ANAPC1: variants seen among roughly 807,000 people sequenced by gnomAD.
ANAPC1 encodes the protein anaphase-promoting complex subunit 1.
A neutral mutation model predicts 208.0 loss-of-function variants in ANAPC1; 36 were observed. That is an observed-to-expected ratio of 0.17 (90% CI 0.13 to 0.23). ANAPC1 has a LOEUF of 0.23. Ranked by LOEUF, ANAPC1 falls within the 10% of genes least tolerant of loss-of-function variation. The probability of loss-of-function intolerance (pLI) is 1.00; values close to 1 mark genes in which losing one functional copy is unlikely to be tolerated. For synonymous variants in ANAPC1, 378 were observed against 695.2 expected (o/e 0.54, Z 7.18); for missense variants, 942 against 2,011.6 (o/e 0.47, Z 10.17).
chr2:111,828,592 G>A (rs1253763361), intron 21 of ANAPC1, among the ~76,000 whole-genome samples: 2 of 152,190 alleles, frequency 1.3e-5, no homozygotes, highest in Admixed American at 6.5e-5. Context: ...CCATACAATG[G>A]AATACTATAT....
At chr2:111,861,343 G>A (rs538510890) in intron 10 of ANAPC1, among the ~76,000 whole-genome samples, 6 of 152,170 alleles carry the variant, frequency 3.9e-5, no homozygotes, top group Non-Finnish European at 8.8e-5. Context: ...CCCAAAGTGA[G>A]TGATTACAGG....
intron 7 of ANAPC1, among the ~76,000 whole-genome samples, chr2:111,866,694 A>G (rs1682434917): frequency 6.6e-6 from 1 of 150,586 alleles, no homozygotes; most frequent in South Asian, 2.1e-4. Flanking sequence ...ATTGCACTGC[A>G]GCCTGGGTAA....
chr2:111,844,525 C>T (rs112607446), intron 16 of ANAPC1, among the ~76,000 whole-genome samples: 18,069 of 150,494 alleles, frequency 0.12, 1,367 homozygotes, highest in Non-Finnish European at 0.16. Context: ...GCCAAGATCA[C>T]GCCATTGCAT....
chr2:111,846,512 C>T (rs113869330), intron 16 of ANAPC1, among the ~76,000 whole-genome samples: 2 of 134,422 alleles, frequency 1.5e-5, no homozygotes, highest in Non-Finnish European at 3.1e-5. Context: ...TTGCAAGAGG[C>T]ATGTCCATAT....
intron 17 of ANAPC1, among the ~76,000 whole-genome samples, 164 bp from the exon 18 acceptor site, chr2:111,838,676 C>T (rs987753048): frequency 3.9e-5 from 6 of 152,146 alleles, no homozygotes; most frequent in Non-Finnish European, 7.3e-5. Context: ...ATCTTTCTTC[C>T]AGGTTACTGT....
At chr2:111,837,841 T>G (rs1680552379) in intron 18 of ANAPC1, among the ~76,000 whole-genome samples, 2 of 152,054 alleles carry the variant, frequency 1.3e-5, no homozygotes, top group Non-Finnish European at 2.9e-5. Context: ...CCCAGCACTT[T>G]GGGACACCAA....
At chr2:111,787,130 C>T (rs371647597) in intron 39 of ANAPC1, among the ~76,000 whole-genome samples, 2 of 137,902 alleles carry the variant, frequency 1.5e-5, no homozygotes. Flanking sequence ...GCCTGGGCGA[C>T]AGAGCGAGAC....
At chr2:111,846,550 TA>T (rs1558715892) in intron 16 of ANAPC1, among the ~76,000 whole-genome samples, 3,604 of 70,114 alleles carry the variant, frequency 0.051, 133 homozygotes, top group Non-Finnish European at 0.074. Flanking sequence ...TATATATATA[TA>T]TATATATATT....
chr2:111,864,575 C>T (rs1682297232), intron 8 of ANAPC1, among the ~76,000 whole-genome samples: 1 of 148,264 alleles, frequency 6.7e-6, no homozygotes, highest in African/African-American at 2.5e-5. Context: ...AGTGATTCTC[C>T]TGCCTCAGCC....
chr2:111,784,568 A>T (rs1159338791), intron 40 of ANAPC1, among the ~76,000 whole-genome samples, 168 bp from the exon 41 acceptor site: 4 of 151,544 alleles, frequency 2.6e-5, no homozygotes, highest in Non-Finnish European at 5.9e-5. Flanking sequence ...TGATGTCTAA[A>T]TTCCTCACAG....
chr2:111,832,305 GAAA>G (rs11431305), intron 20 of ANAPC1, among the ~76,000 whole-genome samples: 1 of 76,820 alleles, frequency 1.3e-5, no homozygotes, highest in Admixed American at 1.5e-4. Context: ...CCTGTCTCAA[GAAA>G]AAAAAAAAAA....
At chr2:111,842,801 G>A (rs1680840796) in intron 17 of ANAPC1, among the ~76,000 whole-genome samples, 1 of 152,010 alleles carries the variant, frequency 6.6e-6, no homozygotes, top group African/African-American at 2.4e-5. Flanking sequence ...AAGCTAGAAG[G>A]AGATCACCAA....
Position 111,853,364 on chromosome 2 carries a change from AAT to A in ANAPC1, c.1516-2456_1516-2455del, listed in dbSNP as rs1048049375. 3.9e-5 allele frequency among the ~76,000 whole-genome samples: 6 copies of A among 152,248 alleles called. No individual in the cohort carries two copies. The South Asian group carries it at 6.2e-4, about 16-fold the overall frequency. ...CTAGTGGGATTTAAATCTGCCATTTAATATTTGTTTTCTGTATGTTCCCACTT... is the reference window on the plus strand; with the variant it reads ...CTAGTGGGATTTAAATCTGCCATTTAATTTGTTTTCTGTATGTTCCCACTT... On this transcript the variant is annotated intron_variant, in intron 13 of 47. Coordinates refer to ENST00000341068, the MANE Select transcript of ANAPC1 (RefSeq NM_022662.4).
At chr2:111,864,375 A>G (rs75173735) in intron 8 of ANAPC1, among the ~76,000 whole-genome samples, 2,047 of 127,672 alleles carry the variant, frequency 0.016, 54 homozygotes, top group African/African-American at 0.059. Context: ...TGATGATGAT[A>G]ATAAAACTAT....
chr2:111,777,163 G>A (rs1677036079), intron 45 of ANAPC1, 106 bp from the exon 46 acceptor site: 4 of 626,880 alleles, frequency 6.4e-6, no homozygotes, highest in Non-Finnish European at 1.2e-5. Flanking sequence ...AATTATAAAG[G>A]GTCGGGGGGT....
intron 3 of ANAPC1, 102 bp downstream of exon 3, chr2:111,878,708 G>A: frequency 6.7e-7 from 1 of 1,488,868 alleles, no homozygotes. Flanking sequence ...CAGCTGCTGA[G>A]ATCATTAGGC....
intron 21 of ANAPC1, among the ~76,000 whole-genome samples, chr2:111,828,196 T>C (rs1300193262): frequency 5.3e-5 from 8 of 152,072 alleles, no homozygotes; most frequent in Non-Finnish European, 1.2e-4. Context: ...TATCACTAAA[T>C]TAAGGAGGCA....
intron 47 of ANAPC1, among the ~76,000 whole-genome samples, chr2:111,771,402 C>G (rs1676730148): frequency 6.6e-6 from 1 of 152,164 alleles, no homozygotes; most frequent in Non-Finnish European, 1.5e-5. Context: ...TCTCTCCTGC[C>G]TGAGACTGTG....
chr2:111,778,110 T>C lies in ANAPC1; in HGVS notation c.5385+565A>G, dbSNP rs1403514307. 2.0e-5 allele frequency among the ~76,000 whole-genome samples: 3 copies of C among 152,308 alleles called. No individual in the cohort carries two copies. In the East Asian group the frequency reaches 5.8e-4, roughly 29 times the overall value. ...AAGGTGTATGTATTACTAATTTGCC[T>C]AAAGTGAATAAATTGGTCTGATCCT... On this transcript the variant is annotated intron_variant, in intron 45 of 47. Transcript: ENST00000341068.
Sources: gnomAD v4.1 joint callset for allele counts (sites outside exome capture counted in the v4.1 genomes callset) on GRCh38, gnomAD v4.1.1 for gene constraint, MANE v1.5 for transcripts, NCBI Gene and HGNC (gene_info 2026-07-23, HGNC 2026-07-21) for gene names.